The following PTPRN2 variants were observed in gnomAD, a reference collection of about 807,000 sequenced individuals.
The protein encoded by PTPRN2 is receptor-type tyrosine-protein phosphatase N2.
PTPRN2 carries 74 observed loss-of-function variants against 118.8 expected under a neutral mutation model. The observed-to-expected ratio is 0.62, with a 90% CI of 0.52 to 0.76. The LOEUF (loss-of-function observed/expected upper bound fraction) is 0.76, where lower values mean the gene tolerates loss of function less well. Among genes scored for constraint, PTPRN2 ranks in the 30% least tolerant of loss-of-function variants. The probability of loss-of-function intolerance (pLI) is 0.00; values close to 1 mark genes in which losing one functional copy is unlikely to be tolerated. For synonymous variants in PTPRN2, 641 were observed against 608.0 expected (o/e 1.05, Z -0.80); for missense variants, 1,481 against 1,394.4 (o/e 1.06, Z -0.99).
In PTPRN2 at chr7:157,794,275, C is replaced by T. The variant is rs113687037; in HGVS notation, c.1788+104398G>A. On this transcript the variant is annotated intron_variant, in intron 12 of 22. Transcript: ENST00000389418. This position sits in a 1 kb window ranked among gnomAD's most constrained non-coding sequence, Gnocchi z 5.2. The stretch of plus-strand genomic sequence containing the variant: ...TCACACCTCCCCTCGTTCTCTGCTC[C>T]GACCCGGGCTCACACCTCCCCTCGT... 2.3e-4 allele frequency among the ~76,000 whole-genome samples: 31 copies of T among 133,240 alleles called. 1 individual carries two copies. The highest frequency in any genetic ancestry group is 8.7e-4 in the African/African-American group (28 of 32,298). The allele number at this position is 133,240 out of a possible 152,430, so 87.4% of individuals were successfully genotyped here.
chr7:158,049,479 G>A (rs1008360559), intron 11 of PTPRN2, among the ~76,000 whole-genome samples: 2 of 152,198 alleles, frequency 1.3e-5, no homozygotes, highest in African/African-American at 4.8e-5. Flanking sequence ...CAGGCCTGAA[G>A]CCAGGACTCA....
At chr7:157,762,986 G>A (rs917707656) in intron 12 of PTPRN2, among the ~76,000 whole-genome samples, 19 of 152,068 alleles carry the variant, frequency 1.2e-4, no homozygotes, top group South Asian at 4.2e-4. Context: ...ACTCACGGTC[G>A]GTCACAGGGC....
chr7:157,722,168 C>T (rs542311392), intron 12 of PTPRN2, among the ~76,000 whole-genome samples: 1 of 152,356 alleles, frequency 6.6e-6, no homozygotes, highest in African/African-American at 2.4e-5. Flanking sequence ...CTGGTCCTCC[C>T]CACCTGCGAG....
chr7:158,084,431 T>C (rs1813096663), intron 10 of PTPRN2, among the ~76,000 whole-genome samples: 1 of 152,194 alleles, frequency 6.6e-6, no homozygotes, highest in South Asian at 2.1e-4. Context: ...GCCATCTTGT[T>C]CAGCTTTCTG....
At chr7:158,402,754 A>G (rs373668770) in intron 2 of PTPRN2, among the ~76,000 whole-genome samples, 3 of 152,134 alleles carry the variant, frequency 2.0e-5, no homozygotes, top group East Asian at 3.9e-4. Context: ...TCCAAGGGCC[A>G]TGGCCAGGCA....
At chr7:158,242,389 T>A (rs558668777) in intron 3 of PTPRN2, among the ~76,000 whole-genome samples, 1 of 152,352 alleles carries the variant, frequency 6.6e-6, no homozygotes, top group Non-Finnish European at 1.5e-5. Flanking sequence ...GATGAGAATC[T>A]CCTCTAAAGA....
intron 9 of PTPRN2, among the ~76,000 whole-genome samples, chr7:158,122,829 G>T (rs1817281012): frequency 1.3e-5 from 2 of 151,590 alleles, no homozygotes; most frequent in Non-Finnish European, 2.9e-5. Flanking sequence ...TGAGCCCGGG[G>T]ACCTGTTGCG....
At chr7:158,424,467 T>TA (rs1815527877) in intron 2 of PTPRN2, among the ~76,000 whole-genome samples, 1 of 152,124 alleles carries the variant, frequency 6.6e-6, no homozygotes, top group Non-Finnish European at 1.5e-5. Context: ...GGACAACGTC[T>TA]GTGACCACCG....
intron 17 of PTPRN2, among the ~76,000 whole-genome samples, chr7:157,578,755 C>CA (rs1800190783): frequency 6.6e-6 from 1 of 152,360 alleles, no homozygotes; most frequent in East Asian, 1.9e-4. Context: ...ACAGAAATTA[C>CA]AAAGACACAA....
chr7:158,305,387 AGAGG>A (rs1801204002), intron 3 of PTPRN2, among the ~76,000 whole-genome samples: 1 of 152,162 alleles, frequency 6.6e-6, no homozygotes, highest in Non-Finnish European at 1.5e-5. Flanking sequence ...ATAGAGGGAG[AGAGG>A]GAGGGAGGGA....
intron 6 of PTPRN2, among the ~76,000 whole-genome samples, chr7:158,151,911 C>G (rs180972551): frequency 6.6e-6 from 1 of 152,154 alleles, no homozygotes; most frequent in Non-Finnish European, 1.5e-5. Flanking sequence ...CGGTGGCTCA[C>G]GCCTGTAATC....
At chr7:158,554,275 A>C (rs2129450390) in intron 1 of PTPRN2, among the ~76,000 whole-genome samples, 1 of 152,304 alleles carries the variant, frequency 6.6e-6, no homozygotes, top group East Asian at 1.9e-4. Context: ...AAACAACAAC[A>C]ACAAGAAAAA....
Position 158,015,280 on chromosome 7 carries a change from A to G in PTPRN2, c.1723+66018T>C, listed in dbSNP as rs1806362451. ...GTTGATCTTTGAACTTCTCTAAGCC[A>G]TTATACCTTTAGTTCCCTCTTCCCC... On this transcript the variant is annotated intron_variant, in intron 11 of 22. Transcript: ENST00000389418. This position sits in a 1 kb window ranked among gnomAD's most constrained non-coding sequence, Gnocchi z 4.2. Among the ~76,000 whole-genome samples the G allele has an allele frequency of 6.6e-6, 1 of 152,206 alleles. No homozygotes were observed. The highest frequency in any genetic ancestry group is 1.9e-4 in the East Asian group (1 of 5,190).
chr7:158,450,718 T>G (rs1818042338), intron 2 of PTPRN2, among the ~76,000 whole-genome samples: 1 of 152,236 alleles, frequency 6.6e-6, no homozygotes, highest in Non-Finnish European at 1.5e-5. Flanking sequence ...TTCCATTGTA[T>G]GAAAATAAAA....
Position 158,517,575 on chromosome 7 carries a change from G to T in PTPRN2, c.113-27790C>A, listed in dbSNP as rs577580011. On this transcript the variant is annotated intron_variant, in intron 1 of 22. Coordinates refer to ENST00000389418, the MANE Select transcript of PTPRN2 (RefSeq NM_002847.5). This position sits in a 1 kb window ranked among gnomAD's most constrained non-coding sequence, Gnocchi z 5.3. ...TGCAATCTCCTCCAACAGCCGCCAG[G>T]ATCATCTTTACAAAATGCAAAGGTC... Among the ~76,000 whole-genome samples the T allele has an allele frequency of 6.6e-6, 1 of 152,118 alleles. No homozygotes were observed. The highest frequency in any genetic ancestry group is 1.5e-5 in the Non-Finnish European group (1 of 68,020).
At chr7:158,144,625 C>G (rs756790097) in intron 6 of PTPRN2, among the ~76,000 whole-genome samples, 1 of 151,708 alleles carries the variant, frequency 6.6e-6, no homozygotes, top group African/African-American at 2.4e-5. Context: ...GGCGATAGAG[C>G]GAGAGAAGGG....
chr7:157,809,124 T>C (rs575628790), intron 12 of PTPRN2, among the ~76,000 whole-genome samples: 3 of 152,270 alleles, frequency 2.0e-5, no homozygotes, highest in Non-Finnish European at 4.4e-5. Flanking sequence ...TTGTGGGTAC[T>C]GTTGCTTAGG....
chr7:158,071,135 G>T (rs1464077765), intron 11 of PTPRN2, among the ~76,000 whole-genome samples: 9 of 82,720 alleles, frequency 1.1e-4, no homozygotes, highest in Non-Finnish European at 1.7e-4. Context: ...GGTGGTGGAG[G>T]TGCTCGTGGT....
intron 12 of PTPRN2, among the ~76,000 whole-genome samples, chr7:157,789,946 G>A (rs1222605332): frequency 1.3e-5 from 2 of 150,874 alleles, no homozygotes; most frequent in East Asian, 2.0e-4. Context: ...GGTATGTGGT[G>A]TGTGTGTGGT....
Sources: allele counts gnomAD v4.1 joint callset (sites outside exome capture counted in the v4.1 genomes callset), GRCh38; gene constraint gnomAD v4.1.1; non-coding constraint Gnocchi (gnomAD v3.1); transcripts MANE v1.5; gene names NCBI Gene and HGNC (gene_info 2026-07-23, HGNC 2026-07-21).